Variants in CPNE8 observed in about 807,000 individuals in gnomAD.
CPNE8 encodes copine 8.
A neutral mutation model predicts 81.5 loss-of-function variants in CPNE8; 45 were observed. The observed-to-expected ratio is 0.55, with a 90% CI of 0.44 to 0.71. The LOEUF is 0.71. Ranked by LOEUF, CPNE8 falls within the 30% of genes least tolerant of loss-of-function variation. CPNE8 has a pLI of 0.00. For missense variants in CPNE8, 594 were observed against 672.1 expected (o/e 0.88, Z 1.28); for synonymous variants, 252 against 226.3 (o/e 1.11, Z -1.02).
chr12:38,664,488 G>A (rs4768225), intron 19 of CPNE8, among the ~76,000 whole-genome samples: 95,009 of 151,878 alleles, frequency 0.63, 36,637 homozygotes, highest in Non-Finnish European at 0.88. Flanking sequence ...TAAATATAAG[G>A]AAGATTATTA....
chr12:38,699,989 T>C (rs1473409722), intron 14 of CPNE8, among the ~76,000 whole-genome samples: 1 of 152,216 alleles, frequency 6.6e-6, no homozygotes, highest in Non-Finnish European at 1.5e-5. Flanking sequence ...ATATCCTATA[T>C]ACAAGATCAT....
intron 13 of CPNE8, among the ~76,000 whole-genome samples, chr12:38,711,641 G>A (rs1027969508): frequency 6.6e-6 from 1 of 151,946 alleles, no homozygotes; most frequent in Non-Finnish European, 1.5e-5. Flanking sequence ...GATAACTGTT[G>A]TATTTGTAGT....
chr12:38,877,648 A>C (rs190673898), intron 1 of CPNE8, among the ~76,000 whole-genome samples: 1 of 152,284 alleles, frequency 6.6e-6, no homozygotes, highest in Non-Finnish European at 1.5e-5. Context: ...ATAACCTATA[A>C]ATTGCCTGAG....
At chr12:38,695,103 T>A (rs1458090759) in intron 14 of CPNE8, among the ~76,000 whole-genome samples, 1 of 152,204 alleles carries the variant, frequency 6.6e-6, no homozygotes, top group Non-Finnish European at 1.5e-5. Flanking sequence ...TTGACTAAAC[T>A]TGTAGAAAGT....
At chr12:38,686,850 G>A (rs889524477) in intron 15 of CPNE8, among the ~76,000 whole-genome samples, 4 of 152,090 alleles carry the variant, frequency 2.6e-5, no homozygotes, top group Non-Finnish European at 5.9e-5. Context: ...CCAGAGAAAG[G>A]GCAAGGACAA....
intron 6 of CPNE8, among the ~76,000 whole-genome samples, chr12:38,790,710 C>T (rs1278248946): frequency 2.6e-5 from 4 of 151,454 alleles, no homozygotes; most frequent in African/African-American, 4.8e-5. Context: ...CTCATATACA[C>T]CTTAAATATA....
intron 14 of CPNE8, among the ~76,000 whole-genome samples, chr12:38,702,385 A>G (rs1388467990): frequency 1.3e-5 from 2 of 152,182 alleles, no homozygotes; most frequent in Admixed American, 6.5e-5. Context: ...ATGTGTTAAC[A>G]TAAGTAATTA....
chr12:38,694,609 T>C (rs1939753354), intron 14 of CPNE8, among the ~76,000 whole-genome samples: 1 of 152,192 alleles, frequency 6.6e-6, no homozygotes, highest in Non-Finnish European at 1.5e-5. Context: ...GCTTATACTG[T>C]GTAGGATGTT....
intron 6 of CPNE8, among the ~76,000 whole-genome samples, chr12:38,779,562 T>C (rs1464746954): frequency 6.6e-6 from 1 of 152,180 alleles, no homozygotes; most frequent in African/African-American, 2.4e-5. Flanking sequence ...GCTGTCTTAA[T>C]TGACATCACT....
At chr12:38,715,255 T>C (rs11169235) in intron 13 of CPNE8, among the ~76,000 whole-genome samples, 5,628 of 152,182 alleles carry the variant, frequency 0.037, 276 homozygotes, top group East Asian at 0.13. Context: ...CTAAGAGAAA[T>C]GTTTTACCAA....
intron 13 of CPNE8, among the ~76,000 whole-genome samples, chr12:38,718,963 A>G (rs1183809968): frequency 4.6e-5 from 7 of 152,206 alleles, no homozygotes; most frequent in South Asian, 2.1e-4. Flanking sequence ...ACATAGTGTG[A>G]TCCCATGATT....
chr12:38,880,034 C>CA (rs1237690907), intron 1 of CPNE8, among the ~76,000 whole-genome samples: 9 of 152,046 alleles, frequency 5.9e-5, no homozygotes, highest in African/African-American at 2.2e-4. Context: ...TAGAGCCCAA[C>CA]AAAAAATATT....
At chr12:38,849,828 G>T (rs2137059469) in intron 3 of CPNE8, among the ~76,000 whole-genome samples, 1 of 152,252 alleles carries the variant, frequency 6.6e-6, no homozygotes, top group Admixed American at 6.5e-5. Flanking sequence ...ACCAGTTATT[G>T]AGTATTTACC....
intron 6 of CPNE8, among the ~76,000 whole-genome samples, chr12:38,806,976 A>C (rs1051027694): frequency 6.6e-6 from 1 of 150,654 alleles, no homozygotes; most frequent in African/African-American, 2.4e-5. Flanking sequence ...CAGAGAGCCA[A>C]ATCATGAGTG....
At chr12:38,705,399 T>C (rs950833680) in intron 13 of CPNE8, among the ~76,000 whole-genome samples, 13 of 152,214 alleles carry the variant, frequency 8.5e-5, no homozygotes, top group Admixed American at 7.9e-4. Context: ...ACATTTTTTT[T>C]CCTACGGAAA....
chr12:38,727,957 C>T (rs1366779465), intron 11 of CPNE8, among the ~76,000 whole-genome samples: 2 of 152,160 alleles, frequency 1.3e-5, no homozygotes, highest in African/African-American at 4.8e-5. Context: ...CAAATGTATA[C>T]AAATCTCTGT....
At chr12:38,861,538 G>A (rs2137081338) in intron 3 of CPNE8, among the ~76,000 whole-genome samples, 1 of 152,102 alleles carries the variant, frequency 6.6e-6, no homozygotes, top group South Asian at 2.1e-4. Flanking sequence ...TCTAGTGAAA[G>A]TACTTAATAT....
At chr12:38,699,478 T>C (rs935600655) in intron 14 of CPNE8, among the ~76,000 whole-genome samples, 9 of 152,244 alleles carry the variant, frequency 5.9e-5, no homozygotes, top group Non-Finnish European at 1.2e-4. Context: ...TTTGCTATTT[T>C]CATTTAACAA....
chr12:38,874,855 T>C (rs1944045058), intron 1 of CPNE8, among the ~76,000 whole-genome samples: 1 of 152,190 alleles, frequency 6.6e-6, no homozygotes, highest in African/African-American at 2.4e-5. Context: ...AATATAAAGG[T>C]GTTCAGAAAT....
Sources: gnomAD v4.1 joint callset for allele counts (sites outside exome capture counted in the v4.1 genomes callset) on GRCh38, gnomAD v4.1.1 for gene constraint, MANE v1.5 for transcripts, NCBI Gene and HGNC (gene_info 2026-07-23, HGNC 2026-07-21) for gene names.